The following ARID4B variants were observed in gnomAD, a reference collection of about 807,000 sequenced individuals.
ARID4B encodes the protein AT-rich interactive domain-containing protein 4B.
A neutral mutation model predicts 147.5 loss-of-function variants in ARID4B; 26 were observed. The observed-to-expected ratio is 0.18, with a 90% CI of 0.13 to 0.24. ARID4B has a LOEUF of 0.24. ARID4B is among the 10% of genes least tolerant of loss of function. The probability of loss-of-function intolerance (pLI) is 1.00; values close to 1 mark genes in which losing one functional copy is unlikely to be tolerated. For synonymous variants in ARID4B, 512 were observed against 507.9 expected, an observed-to-expected ratio of 1.01 and a Z score of -0.11; for missense variants, 1,179 against 1,511.5, an observed-to-expected ratio of 0.78 and a Z score of 3.65.
At chr1:235,291,672 C>A (rs1672346615) in intron 2 of ARID4B, among the ~76,000 whole-genome samples, 1 of 151,708 alleles carries the variant, frequency 6.6e-6, no homozygotes. Flanking sequence ...CCCGTCTCTA[C>A]TAAAAAATAC....
chr1:235,302,627 A>G (rs1673262063), intron 2 of ARID4B, among the ~76,000 whole-genome samples: 1 of 152,184 alleles, frequency 6.6e-6, no homozygotes, highest in African/African-American at 2.4e-5. Flanking sequence ...TTATACTCCT[A>G]TTGATAACAC....
At chr1:235,233,531 T>C (rs1572039812) in intron 9 of ARID4B, among the ~76,000 whole-genome samples, 1 of 152,328 alleles carries the variant, frequency 6.6e-6, no homozygotes, top group East Asian at 1.9e-4. Flanking sequence ...ATGACCTTTT[T>C]AAGGTATTTA....
In ARID4B at chr1:235,295,062, C is replaced by T. The variant is rs562731811; in HGVS notation, c.6+31852G>A. ...ATTTTCATTTAAAAAGTATTCTGAG[C>T]TTACATCCCTACTGGAATACAGCCT... On this transcript the variant is annotated intron_variant, in intron 2 of 23. Coordinates refer to ENST00000264183, the MANE Select transcript of ARID4B (RefSeq NM_016374.6). Among the ~76,000 whole-genome samples the T allele has an allele frequency of 1.7e-4, 26 of 151,770 alleles. No homozygotes were observed. In the South Asian group the frequency reaches 5.4e-3, roughly 32 times the overall value.
chr1:235,313,924 A>G (rs1015731942), intron 2 of ARID4B, among the ~76,000 whole-genome samples: 1 of 152,218 alleles, frequency 6.6e-6, no homozygotes, highest in African/African-American at 2.4e-5. Flanking sequence ...CTGCAACTTC[A>G]AAATTAACTT....
intron 23 of ARID4B, among the ~76,000 whole-genome samples, chr1:235,171,932 G>A (rs1002686971): frequency 6.6e-6 from 1 of 152,110 alleles, no homozygotes; most frequent in Non-Finnish European, 1.5e-5. Flanking sequence ...ATGAGCCACT[G>A]TGCCCGGCCT....
At chr1:235,176,958 G>C in intron 21 of ARID4B, 1 of 470,974 alleles carries the variant, frequency 2.1e-6, no homozygotes, top group East Asian at 6.9e-5. Flanking sequence ...ACAAAAGAGA[G>C]ATAAAATGTG....
chr1:235,299,087 C>CA (rs1029325892), intron 2 of ARID4B, among the ~76,000 whole-genome samples: 10 of 150,538 alleles, frequency 6.6e-5, no homozygotes, highest in Middle Eastern at 3.4e-3. Context: ...GATGCCACGT[C>CA]AAAAAAAAAG....
intron 2 of ARID4B, among the ~76,000 whole-genome samples, chr1:235,285,818 A>G (rs1671934281): frequency 6.6e-6 from 1 of 152,206 alleles, no homozygotes; most frequent in East Asian, 1.9e-4. Flanking sequence ...GAATTTTTAA[A>G]ATACCATTAA....
chr1:235,248,484 T>C (rs768414267), intron 6 of ARID4B, among the ~76,000 whole-genome samples: 5 of 152,192 alleles, frequency 3.3e-5, no homozygotes, highest in Non-Finnish European at 7.3e-5. Flanking sequence ...GAAAATAAAT[T>C]AATCCGGATT....
At chr1:235,323,483 G>A (rs1254546085) in intron 2 of ARID4B, among the ~76,000 whole-genome samples, 1 of 151,446 alleles carries the variant, frequency 6.6e-6, no homozygotes, top group East Asian at 2.0e-4. Context: ...AAAAGTTTGA[G>A]TTTAAAAAAA....
intron 17 of ARID4B, 30 bp downstream of exon 17, chr1:235,213,739 G>A (rs1666858381): frequency 6.3e-7 from 1 of 1,587,396 alleles, no homozygotes. Flanking sequence ...TTGTTTTTAG[G>A]TAATAATCAC....
intron 22 of ARID4B, 66 bp downstream of exon 22, chr1:235,175,114 AAAAC>A (rs1360015790): frequency 8.4e-6 from 12 of 1,425,124 alleles, no homozygotes; most frequent in Non-Finnish European, 1.2e-5. Context: ...TCTAAAAACA[AAAAC>A]AAAATAAAAC....
chr1:235,284,478 T>C (rs558778655), intron 2 of ARID4B, among the ~76,000 whole-genome samples: 34 of 152,298 alleles, frequency 2.2e-4, no homozygotes, highest in Admixed American at 7.2e-4. Context: ...TCACTAGCTT[T>C]TTCTATTACA....
chr1:235,316,866 A>G (rs1223842275), intron 2 of ARID4B, among the ~76,000 whole-genome samples: 1 of 148,206 alleles, frequency 6.7e-6, no homozygotes, highest in African/African-American at 2.5e-5. Context: ...ATACATACGT[A>G]AAACACAAAA....
chr1:235,287,377 A>T (rs1053142810), intron 2 of ARID4B, among the ~76,000 whole-genome samples: 1 of 152,130 alleles, frequency 6.6e-6, no homozygotes, highest in Non-Finnish European at 1.5e-5. Flanking sequence ...AGACACCCAA[A>T]CTGCAGGGGA....
intron 2 of ARID4B, among the ~76,000 whole-genome samples, chr1:235,288,307 T>C (rs1030150853): frequency 2.7e-5 from 4 of 150,684 alleles, no homozygotes; most frequent in African/African-American, 9.7e-5. Flanking sequence ...AGACTCCATT[T>C]CAAAAAAAAA....
chr1:235,262,979 A>G (rs1670383057), intron 2 of ARID4B, among the ~76,000 whole-genome samples: 2 of 152,170 alleles, frequency 1.3e-5, no homozygotes, highest in Admixed American at 1.3e-4. Flanking sequence ...TAAATGTTTT[A>G]TAGAGAGAGA....
At chr1:235,274,663 G>A (rs551414583) in intron 2 of ARID4B, among the ~76,000 whole-genome samples, 16 of 152,212 alleles carry the variant, frequency 1.1e-4, no homozygotes, top group African/African-American at 3.6e-4. Context: ...AGGCCAAAGA[G>A]AATTTCGGAG....
chr1:235,275,037 C>T (rs556969685), intron 2 of ARID4B, among the ~76,000 whole-genome samples: 13 of 151,114 alleles, frequency 8.6e-5, no homozygotes, highest in East Asian at 1.9e-4. Flanking sequence ...GCGCGCAGAC[C>T]GCTCTGCCTA....
Sources: allele counts gnomAD v4.1 joint callset (sites outside exome capture counted in the v4.1 genomes callset), GRCh38; gene constraint gnomAD v4.1.1; transcripts MANE v1.5; gene names NCBI Gene and HGNC (gene_info 2026-07-23, HGNC 2026-07-21).